Variants in MVB12B observed in about 807,000 individuals in gnomAD.
MVB12B encodes the protein ESCRT-I complex subunit MVB12B.
Under a neutral mutation model 41.6 loss-of-function variants are expected in MVB12B, and 16 were observed. The ratio of observed to expected loss-of-function variants is 0.38; its 90% CI spans 0.26 to 0.58. MVB12B has a LOEUF of 0.58. Among genes scored for constraint, MVB12B ranks in the 20% least tolerant of loss-of-function variants. The pLI is 0.62. For synonymous variants in MVB12B, 133 were observed against 139.7 expected, an observed-to-expected ratio of 0.95 and a Z score of 0.34; for missense variants, 274 against 380.2, an observed-to-expected ratio of 0.72 and a Z score of 2.32.
At chr9:126,364,420 C>G (rs1323248156) in intron 2 of MVB12B, among the ~76,000 whole-genome samples, 1 of 152,164 alleles carries the variant, frequency 6.6e-6, no homozygotes, top group Non-Finnish European at 1.5e-5. Context: ...AGCCCAGAGC[C>G]AGGCCTTGCA....
chr9:126,342,880 C>G (rs1369596689), intron 2 of MVB12B, among the ~76,000 whole-genome samples: 1 of 152,224 alleles, frequency 6.6e-6, no homozygotes, highest in East Asian at 1.9e-4. Flanking sequence ...AGACAGAACT[C>G]CAGCAGATGA....
Position 126,468,161 on chromosome 9 carries a change from T to TCC in MVB12B, c.758-13206_758-13205dup, listed in dbSNP as rs5900706. Among the ~76,000 whole-genome samples the TCC allele has an allele frequency of 0.13, 19,699 of 152,188 alleles. 1,798 individuals carry two copies. The highest frequency in any genetic ancestry group is 0.44 in the East Asian group (2,265 of 5,160). The stretch of plus-strand genomic sequence containing the variant: ...GGAACGTTAACATTCCTCAGCTCTG[T>TCC]CCCAGGTCTGCCTCTCTCACCATGT... On this transcript the variant is annotated intron_variant, in intron 7 of 9. Transcript: ENST00000361171. The surrounding 1 kb of genome is among the most constrained non-coding windows in gnomAD (Gnocchi z 4.3).
intron 2 of MVB12B, among the ~76,000 whole-genome samples, chr9:126,341,507 G>A (rs563304951): frequency 1.6e-4 from 24 of 152,270 alleles, no homozygotes; most frequent in African/African-American, 5.1e-4. Context: ...GAAAGAACAC[G>A]AATCTCATTA....
At chr9:126,500,678 G>C (rs990878507) in intron 9 of MVB12B, among the ~76,000 whole-genome samples, 3 of 152,202 alleles carry the variant, frequency 2.0e-5, no homozygotes, top group Admixed American at 6.5e-5. Context: ...TCCTGAGCCG[G>C]GGCTGATGGC....
chr9:126,372,644 C>A (rs1026148009), intron 2 of MVB12B, among the ~76,000 whole-genome samples: 7 of 152,204 alleles, frequency 4.6e-5, no homozygotes, highest in Non-Finnish European at 8.8e-5. Context: ...TTAATCCTTA[C>A]AAATAATCCT....
intron 3 of MVB12B, among the ~76,000 whole-genome samples, chr9:126,382,602 C>T (rs1489898476): frequency 6.6e-6 from 1 of 152,046 alleles, no homozygotes; most frequent in African/African-American, 2.4e-5. Flanking sequence ...CCTGAGGTAC[C>T]CAGGAGTGGG....
chr9:126,375,029 GA>G (rs1830441024), intron 2 of MVB12B, among the ~76,000 whole-genome samples: 1 of 152,028 alleles, frequency 6.6e-6, no homozygotes, highest in Non-Finnish European at 1.5e-5. Flanking sequence ...CACTTTTTAA[GA>G]TTTTTTTCCC....
intron 5 of MVB12B, among the ~76,000 whole-genome samples, chr9:126,393,864 T>C (rs1193532833): frequency 6.6e-6 from 1 of 152,276 alleles, no homozygotes; most frequent in Non-Finnish European, 1.5e-5. Context: ...GCCTCCTGGC[T>C]CAGGCCTGTA....
chr9:126,351,483 CTTTTTTTTTT>C (rs34141510), intron 2 of MVB12B, among the ~76,000 whole-genome samples: 1 of 86,298 alleles, frequency 1.2e-5, no homozygotes, highest in Non-Finnish European at 2.1e-5. Flanking sequence ...GTCTTTCACT[CTTTTTTTTTT>C]TTTTTTTTTT....
chr9:126,382,573 C>G (rs1009855), intron 3 of MVB12B, among the ~76,000 whole-genome samples: 92,085 of 151,964 alleles, frequency 0.61, 28,242 homozygotes, highest in South Asian at 0.68. Context: ...CCCTGCAGGT[C>G]CCCCAGCTCA....
chr9:126,366,903 C>T (rs1830198367), intron 2 of MVB12B, among the ~76,000 whole-genome samples: 1 of 152,226 alleles, frequency 6.6e-6, no homozygotes, highest in African/African-American at 2.4e-5. Context: ...GACCGGCTGA[C>T]ACCTCAACCT....
intron 2 of MVB12B, among the ~76,000 whole-genome samples, chr9:126,361,480 C>T (rs961378601): frequency 6.6e-6 from 1 of 152,062 alleles, no homozygotes; most frequent in South Asian, 2.1e-4. Context: ...ATAACATAGT[C>T]TTTTATAGTT....
At chr9:126,437,883 T>C (rs1033997509) in intron 7 of MVB12B, among the ~76,000 whole-genome samples, 2 of 152,226 alleles carry the variant, frequency 1.3e-5, no homozygotes, top group South Asian at 2.1e-4. Flanking sequence ...ATTAAATTTT[T>C]TATAGCCTTC....
intron 7 of MVB12B, among the ~76,000 whole-genome samples, chr9:126,425,493 C>T (rs1041112332): frequency 6.6e-6 from 1 of 152,150 alleles, no homozygotes; most frequent in African/African-American, 2.4e-5. Flanking sequence ...TAAACCCTGC[C>T]GGCCTGCAGG....
intron 7 of MVB12B, among the ~76,000 whole-genome samples, chr9:126,465,053 G>T (rs1033081371): frequency 6.6e-6 from 1 of 152,172 alleles, no homozygotes; most frequent in African/African-American, 2.4e-5. Context: ...GAAGGCCCAG[G>T]ACCTACTTTT....
intron 7 of MVB12B, among the ~76,000 whole-genome samples, chr9:126,432,403 T>C (rs1832353187): frequency 6.6e-6 from 1 of 152,222 alleles, no homozygotes; most frequent in Admixed American, 6.5e-5. Flanking sequence ...AATTAGCCTT[T>C]TGTTTCTTTC....
intron 1 of MVB12B, among the ~76,000 whole-genome samples, chr9:126,338,008 AT>A (rs1424599329): frequency 4.6e-5 from 7 of 152,202 alleles, no homozygotes; most frequent in Non-Finnish European, 1.0e-4. Flanking sequence ...AAAATATGTA[AT>A]TCAGGGCAAG....
At chr9:126,463,394 A>G (rs1405246293) in intron 7 of MVB12B, among the ~76,000 whole-genome samples, 1 of 152,198 alleles carries the variant, frequency 6.6e-6, no homozygotes, top group East Asian at 1.9e-4. Context: ...TCTGCTTGCT[A>G]TAAAATGAGA....
At chr9:126,494,211 T>C (rs1464325011) in intron 9 of MVB12B, among the ~76,000 whole-genome samples, 1 of 152,172 alleles carries the variant, frequency 6.6e-6, no homozygotes, top group East Asian at 1.9e-4. Flanking sequence ...ATTGAGATGA[T>C]CATATTTTTT....
Sources: gnomAD v4.1 joint callset for allele counts (sites outside exome capture counted in the v4.1 genomes callset) on GRCh38, gnomAD v4.1.1 for gene constraint, Gnocchi (gnomAD v3.1) non-coding constraint, MANE v1.5 for transcripts, NCBI Gene and HGNC (gene_info 2026-07-23, HGNC 2026-07-21) for gene names.